Variants in GSAP observed in about 807,000 individuals in gnomAD.
The protein encoded by GSAP is gamma-secretase-activating protein.
A neutral mutation model predicts 131.7 loss-of-function variants in GSAP; 118 were observed. The ratio of observed to expected loss-of-function variants is 0.90; its 90% CI spans 0.77 to 1.04. GSAP has a LOEUF of 1.04. Ranked by LOEUF, GSAP falls within the 50% of genes least tolerant of loss-of-function variation. The pLI, the probability that GSAP is intolerant of heterozygous loss-of-function variation, is 0.00. For synonymous variants in GSAP, 381 were observed against 363.4 expected (o/e 1.05, Z -0.55); for missense variants, 1,019 against 1,013.2 (o/e 1.01, Z -0.08).
chr7:77,400,389 G>C (rs1343807655), intron 3 of GSAP, among the ~76,000 whole-genome samples: 2 of 152,048 alleles, frequency 1.3e-5, no homozygotes, highest in Non-Finnish European at 2.9e-5. Flanking sequence ...ACCATCTAAT[G>C]ATAATGAGGC....
intron 10 of GSAP, among the ~76,000 whole-genome samples, chr7:77,375,562 T>C (rs968341044): frequency 2.0e-5 from 3 of 152,154 alleles, no homozygotes; most frequent in Non-Finnish European, 2.9e-5. Flanking sequence ...TCAAGAAGAA[T>C]AGGCCGGCAT....
At chr7:77,400,830 A>G (rs1356070600) in intron 3 of GSAP, among the ~76,000 whole-genome samples, 3 of 152,248 alleles carry the variant, frequency 2.0e-5, no homozygotes, top group Admixed American at 6.5e-5. Context: ...AAATGCTTCA[A>G]TAAGTAATTA....
intron 19 of GSAP, among the ~76,000 whole-genome samples, chr7:77,331,073 G>A (rs1307739400): frequency 6.6e-6 from 1 of 152,158 alleles, no homozygotes; most frequent in East Asian, 1.9e-4. Context: ...CAGCACTTTG[G>A]GAGGCTGAGG....
intron 28 of GSAP, among the ~76,000 whole-genome samples, 194 bp downstream of exon 28, chr7:77,313,294 G>A (rs1421133165): frequency 1.3e-5 from 2 of 152,240 alleles, no homozygotes; most frequent in Non-Finnish European, 2.9e-5. Flanking sequence ...GAGCCAGAGA[G>A]CAAGTGCTTT....
rs1425713114 is a variant in GSAP, at chr7:77,313,500, C to T, written c.2259G>A (p.Val753=). ...AACTCAGTATTACCGGAGGAAGCCG[C>T]ACAATGATACTGAATTTCAGTTTTT... is the stretch of plus-strand genomic sequence containing the variant. ...KNEKLKFSII[V]RLPPLIGQKI... Residue 753 remains valine (V), a synonymous_variant, in exon 28 of 31, where the codon GTG becomes GTA. Transcript: ENST00000257626. 6.4e-7 allele frequency: 1 copy of T among 1,559,354 alleles called. No homozygotes were observed. The highest frequency in any genetic ancestry group is 1.4e-5 in the African/African-American group (1 of 73,856).
In GSAP at chr7:77,382,561, AAGATACACTTAC is replaced by A. The variant is rs1249778728; in HGVS notation, c.526+1_526+12del. On this transcript the variant is annotated splice_donor_variant and splice_donor_5th_base_variant and intron_variant, in intron 7 of 30. Transcript: ENST00000257626. LOFTEE classifies it high-confidence loss of function. ...TCATGAAATTCCCATATTCCACCTA[AAGATACACTTAC>A]ATTTCTCTTCTGAAATCAGTAACAG... 2.8e-6 allele frequency: 4 copies of A among 1,407,756 alleles called. No individual in the cohort carries two copies. The highest frequency in any genetic ancestry group is 4.0e-6 in the Non-Finnish European group (4 of 992,220). 87.2% of individuals were successfully genotyped at this position (1,407,756 alleles called of 1,614,324 possible). A position where few individuals can be genotyped will look rare whatever the true frequency, so the allele number is the denominator to read the frequency against.
chr7:77,321,649 C>T (rs986817195), intron 24 of GSAP, among the ~76,000 whole-genome samples: 7 of 152,182 alleles, frequency 4.6e-5, no homozygotes, highest in Non-Finnish European at 8.8e-5. Flanking sequence ...CTCAGCCTCC[C>T]CAGCCCAGCT....
At chr7:77,391,946 C>T (rs954110743) in intron 5 of GSAP, among the ~76,000 whole-genome samples, 2 of 152,068 alleles carry the variant, frequency 1.3e-5, no homozygotes, top group African/African-American at 2.4e-5. Flanking sequence ...TTTTGATGGC[C>T]GGGAGTGGTG....
chr7:77,394,305 T>C (rs1369554941), intron 5 of GSAP, among the ~76,000 whole-genome samples: 1 of 152,168 alleles, frequency 6.6e-6, no homozygotes, highest in African/African-American at 2.4e-5. Flanking sequence ...ACTCCACTCA[T>C]CTCACTGACC....
At position 77,397,039 on chromosome 7, in the gene GSAP, A is replaced by G. The variant is rs760190300; in HGVS notation, c.314-4T>C. On this transcript the variant is annotated splice_polypyrimidine_tract_variant and splice_region_variant and intron_variant, in intron 4 of 30. Coordinates refer to ENST00000257626, the MANE Select transcript of GSAP (RefSeq NM_017439.4). Reference sequence around the variant, plus strand: ...GTAGACTGAACTAAACTTGCAGCTAATGGAAAAAGAAAAAAAATCCATTAG... The same window carrying G: ...GTAGACTGAACTAAACTTGCAGCTAGTGGAAAAAGAAAAAAAATCCATTAG... 10 of 1,585,782 alleles carry G rather than the reference A, an allele frequency of 6.3e-6. No individual in the cohort carries two copies. In the Admixed American group the frequency reaches 8.6e-5, roughly 14 times the overall value.
At chr7:77,323,311 C>T (rs561353050) in intron 24 of GSAP, among the ~76,000 whole-genome samples, 2 of 152,288 alleles carry the variant, frequency 1.3e-5, no homozygotes, top group African/African-American at 4.8e-5. Flanking sequence ...CTGCATAAAC[C>T]TCCATGTACA....
At chr7:77,405,085 G>T (rs780656556) in intron 2 of GSAP, among the ~76,000 whole-genome samples, 9 of 151,420 alleles carry the variant, frequency 5.9e-5, no homozygotes, top group Non-Finnish European at 1.3e-4. Flanking sequence ...AATTATTCAT[G>T]TGTGCTTATT....
intron 19 of GSAP, among the ~76,000 whole-genome samples, chr7:77,334,271 C>A (rs1450055284): frequency 6.6e-6 from 1 of 152,078 alleles, no homozygotes; most frequent in Non-Finnish European, 1.5e-5. Flanking sequence ...ATGTCCTTTG[C>A]AGGGACACAG....
chr7:77,387,480 G>C, intron 5 of GSAP, 32 bp from the exon 6 acceptor site: 2 of 1,105,518 alleles, frequency 1.8e-6, no homozygotes, highest in Non-Finnish European at 2.8e-6. Context: ...TAGTAACGAA[G>C]ATTGTAATAT....
intron 5 of GSAP, among the ~76,000 whole-genome samples, chr7:77,392,556 A>G (rs764113820): frequency 7.2e-5 from 11 of 152,150 alleles, no homozygotes; most frequent in Non-Finnish European, 1.0e-4. Context: ...TCAAAAAAGA[A>G]AAGATTATCA....
intron 19 of GSAP, among the ~76,000 whole-genome samples, chr7:77,349,059 G>T (rs539205220): frequency 5.5e-4 from 84 of 152,278 alleles, no homozygotes; most frequent in African/African-American, 1.9e-3. Flanking sequence ...CCCCAGTACA[G>T]CCTGTTCTGA....
chr7:77,412,552 C>T (rs1803466169), intron 1 of GSAP, among the ~76,000 whole-genome samples: 1 of 152,066 alleles, frequency 6.6e-6, no homozygotes, highest in African/African-American at 2.4e-5. Context: ...GGCACCATCA[C>T]AAACCGAAAC....
intron 8 of GSAP, among the ~76,000 whole-genome samples, chr7:77,380,686 C>A (rs1797663966): frequency 6.6e-6 from 1 of 150,842 alleles, no homozygotes; most frequent in African/African-American, 2.4e-5. Flanking sequence ...ATGATACATA[C>A]CAGGTTGTGA....
chr7:77,353,705 A>T, intron 16 of GSAP, 64 bp from the exon 17 acceptor site: 1 of 930,952 alleles, frequency 1.1e-6, no homozygotes, highest in East Asian at 2.4e-5. Context: ...ACTACCAAAG[A>T]AGTACAAATA....
Sources: allele counts gnomAD v4.1 joint callset (sites outside exome capture counted in the v4.1 genomes callset), GRCh38; gene constraint gnomAD v4.1.1; transcripts MANE v1.5; gene names NCBI Gene and HGNC (gene_info 2026-07-23, HGNC 2026-07-21).